The following DNER variants were observed in gnomAD, a reference collection of about 807,000 sequenced individuals.
The protein encoded by DNER is delta and Notch-like epidermal growth factor-related receptor.
DNER carries 33 observed loss-of-function variants against 78.2 expected under a neutral mutation model. The ratio of observed to expected loss-of-function variants is 0.42; its 90% CI spans 0.32 to 0.56. The LOEUF (loss-of-function observed/expected upper bound fraction) is 0.56. Ranked by LOEUF, DNER falls within the 20% of genes least tolerant of loss-of-function variation. The pLI is 0.11. For synonymous variants in DNER, 417 were observed against 384.8 expected (o/e 1.08, Z -0.98); for missense variants, 918 against 975.3 (o/e 0.94, Z 0.78).
At chr2:229,438,022 C>CT (rs1694159467) in intron 8 of DNER, among the ~76,000 whole-genome samples, 1 of 152,176 alleles carries the variant, frequency 6.6e-6, no homozygotes, top group African/African-American at 2.4e-5. Flanking sequence ...AAGGAAGTTT[C>CT]TTTAATTAGG....
chr2:229,614,351 A>G (rs1471798673), intron 1 of DNER, among the ~76,000 whole-genome samples: 1 of 152,218 alleles, frequency 6.6e-6, no homozygotes, highest in Non-Finnish European at 1.5e-5. Flanking sequence ...ATCTGAAGAT[A>G]AGCATCTAAA....
chr2:229,493,000 A>ATCTGCTAATTCAC (rs1158493978), intron 6 of DNER, among the ~76,000 whole-genome samples: 4 of 152,112 alleles, frequency 2.6e-5, no homozygotes, highest in Admixed American at 1.3e-4. Flanking sequence ...TGCTTTCATG[A>ATCTGCTAATTCAC]TCTGCTAATT....
chr2:229,411,540 GA>G (rs1383571796), intron 9 of DNER, among the ~76,000 whole-genome samples: 1 of 151,788 alleles, frequency 6.6e-6, no homozygotes, highest in Non-Finnish European at 1.5e-5. Context: ...CTGGGTGACA[GA>G]GCAAGACTCT....
At chr2:229,437,448 G>T (rs1205500564) in intron 8 of DNER, among the ~76,000 whole-genome samples, 2 of 152,190 alleles carry the variant, frequency 1.3e-5, no homozygotes, top group Non-Finnish European at 2.9e-5. Flanking sequence ...ATTGTCCCCA[G>T]GTTGTTGTAT....
chr2:229,546,902 T>C (rs1396540057), intron 5 of DNER, 45 bp downstream of exon 5: 2 of 1,611,606 alleles, frequency 1.2e-6, no homozygotes, highest in African/African-American at 2.7e-5. Flanking sequence ...CAGGTAAATA[T>C]TCATGTAAAT....
chr2:229,491,950 T>TACACACAC (rs58442076), intron 6 of DNER, among the ~76,000 whole-genome samples: 1 of 149,684 alleles, frequency 6.7e-6, no homozygotes, highest in African/African-American at 2.5e-5. Context: ...TTGCCATGAT[T>TACACACAC]ACACACACAC....
intron 8 of DNER, among the ~76,000 whole-genome samples, chr2:229,421,646 G>T (rs12465291): frequency 7.9e-3 from 260 of 32,984 alleles, no homozygotes; most frequent in African/African-American, 0.021. Flanking sequence ...TATATATATA[G>T]AGAGAGAGAG....
At chr2:229,452,655 G>A (rs1392370291) in intron 7 of DNER, among the ~76,000 whole-genome samples, 1 of 152,118 alleles carries the variant, frequency 6.6e-6, no homozygotes, top group Non-Finnish European at 1.5e-5. Context: ...TTGAGATGGA[G>A]TCTTGCTCCG....
Position 229,647,530 on chromosome 2 carries a change from T to G in DNER, c.277-55642A>C, listed in dbSNP as rs1015191651. On this transcript the variant is annotated intron_variant, in intron 1 of 12. Transcript: ENST00000341772. ...TATTACAAATATCATAATTGTTCAA[T>G]TCAGTAATTATTTTCCTGAAAATAT... is the stretch of plus-strand genomic sequence containing the variant. 7.9e-5 allele frequency among the ~76,000 whole-genome samples: 12 copies of G among 152,248 alleles called. 1 individual carries two copies. In the South Asian group the frequency reaches 1.2e-3, roughly 16 times the overall value.
At position 229,714,209 on chromosome 2, in the gene DNER, G is replaced by A. The variant is rs1433381339; in HGVS notation, c.215C>T (p.Pro72Leu). 1.4e-6 allele frequency: 2 copies of A among 1,386,130 alleles called. No individual in the cohort carries two copies. Among genetic ancestry groups the A allele is most frequent in the Non-Finnish European group, 9.3e-7 (1 of 1,073,426 alleles). The allele number at this position is 1,386,130 out of a possible 1,614,324, so 85.9% of individuals were successfully genotyped here. A position where few individuals can be genotyped will look rare whatever the true frequency, so the allele number is the denominator to read the frequency against. Residue 72 changes from proline (P) to leucine (L), a missense_variant, in exon 1 of 13, where the codon CCC becomes CTC. Pro to Leu is a moderately conservative substitution (Grantham distance 98). Coordinates refer to ENST00000341772, the MANE Select transcript of DNER (RefSeq NM_139072.4). Reference sequence around the variant, plus strand: ...GCAGCTGTAGCCAGGCTCGCCGGCGGGGGCCGGGTGCTGCGGGTCCGGCTC... The same window carrying A: ...GCAGCTGTAGCCAGGCTCGCCGGCGAGGGCCGGGTGCTGCGGGTCCGGCTC... ...RPEPDPQHPA[P>L]AGEPGYSCTC... is the part of the protein sequence containing the mutation.
intron 5 of DNER, among the ~76,000 whole-genome samples, chr2:229,529,136 C>G (rs1205871073): frequency 6.6e-6 from 1 of 152,056 alleles, no homozygotes; most frequent in Non-Finnish European, 1.5e-5. Context: ...GTGAGAAAGC[C>G]CTTCAGGCAA....
intron 4 of DNER, among the ~76,000 whole-genome samples, chr2:229,551,290 T>C (rs1347703564): frequency 6.6e-6 from 1 of 152,228 alleles, no homozygotes; most frequent in African/African-American, 2.4e-5. Flanking sequence ...ATAACCCTTC[T>C]GAAAACAGAT....
intron 1 of DNER, among the ~76,000 whole-genome samples, chr2:229,638,658 C>T (rs1055469195): frequency 3.3e-5 from 5 of 152,146 alleles, no homozygotes; most frequent in African/African-American, 1.2e-4. Flanking sequence ...GGGATATTTT[C>T]TGTTCTAATT....
intron 5 of DNER, among the ~76,000 whole-genome samples, chr2:229,543,223 G>T (rs1696552877): frequency 6.6e-6 from 1 of 152,140 alleles, no homozygotes; most frequent in Admixed American, 6.5e-5. Flanking sequence ...GCCTCTGAAA[G>T]GATCTGCTAA....
chr2:229,679,758 C>A (rs1029184382), intron 1 of DNER, among the ~76,000 whole-genome samples: 18 of 152,180 alleles, frequency 1.2e-4, no homozygotes, highest in African/African-American at 4.3e-4. Flanking sequence ...CATTTGCTCA[C>A]TGGGATTGTC....
intron 6 of DNER, among the ~76,000 whole-genome samples, chr2:229,505,177 A>AGTGTGTGTGTGTGTGT (rs144321798): frequency 0.031 from 3,970 of 126,444 alleles, 155 homozygotes; most frequent in Non-Finnish European, 0.04. Flanking sequence ...GTGTTGCTGC[A>AGTGTGTGTGTGTGTGT]GTGTGTGTGT....
chr2:229,576,847 C>T (rs1697312599), intron 4 of DNER, among the ~76,000 whole-genome samples: 1 of 152,128 alleles, frequency 6.6e-6, no homozygotes, highest in Non-Finnish European at 1.5e-5. Flanking sequence ...GTTAGGTGAA[C>T]AGCTAGGAAG....
intron 1 of DNER, among the ~76,000 whole-genome samples, chr2:229,669,809 G>A (rs78072044): frequency 0.011 from 1,680 of 152,262 alleles, 34 homozygotes; most frequent in African/African-American, 0.038. Flanking sequence ...AGAAGTAGCT[G>A]AGACATAGAA....
chr2:229,375,904 TGG>T (rs1433663234), intron 11 of DNER, among the ~76,000 whole-genome samples: 1 of 152,132 alleles, frequency 6.6e-6, no homozygotes, highest in African/African-American at 2.4e-5. Context: ...GAGAGACAGG[TGG>T]AAGTAACTGA....
Sources: allele counts gnomAD v4.1 joint callset (sites outside exome capture counted in the v4.1 genomes callset), GRCh38; gene constraint gnomAD v4.1.1; transcripts MANE v1.5; gene names NCBI Gene and HGNC (gene_info 2026-07-23, HGNC 2026-07-21).